XPNPEP2: variants seen among roughly 807,000 people sequenced by gnomAD.
XPNPEP2 encodes the protein X-prolyl aminopeptidase 2, also known as xaa-Pro aminopeptidase 2.
A neutral mutation model predicts 59.8 loss-of-function variants in XPNPEP2; 64 were observed. The ratio of observed to expected loss-of-function variants is 1.07; its 90% CI spans 0.87 to 1.32. The LOEUF (loss-of-function observed/expected upper bound fraction) is 1.32, where lower values mean the gene tolerates loss of function less well. XPNPEP2 is among the 40% of genes most tolerant of loss of function. The probability of loss-of-function intolerance (pLI) is 0.00; values close to 1 mark genes in which losing one functional copy is unlikely to be tolerated. For missense variants in XPNPEP2, 575 were observed against 546.8 expected (o/e 1.05, Z -0.51); for synonymous variants, 235 against 210.0 (o/e 1.12, Z -1.03).
At chrX:129,760,237 C>T (rs189713488) in intron 15 of XPNPEP2, among the ~76,000 whole-genome samples, 1,132 of 112,574 alleles carry the variant, frequency 0.01, 19 homozygotes, top group African/African-American at 0.035. Context: ...CCTCGGTTCA[C>T]CGCCACCAAG....
Position 129,756,663 on chromosome X carries a change from A to G in XPNPEP2, c.1367+108A>G, listed in dbSNP as rs369699227. 6.4e-5 allele frequency: 53 copies of G among 827,418 alleles called. No individual in the cohort carries two copies. The East Asian group carries it at 1.0e-3, about 16-fold the overall frequency. 68.2% of individuals were successfully genotyped at this position (827,418 alleles called of 1,213,427 possible). ...TCCTGGGCCACGGATTCTTCGTCTG[A>G]AAAAGGAGAGATCTGGAATGAGCCC... On this transcript the variant is annotated intron_variant, in intron 14 of 20. Transcript: ENST00000371106.
intron 14 of XPNPEP2, 69 bp downstream of exon 14, chrX:129,756,624 C>T (rs1926523272): frequency 9.4e-7 from 1 of 1,061,361 alleles, no homozygotes; most frequent in Non-Finnish European, 1.3e-6. Context: ...CAAGAGTCAG[C>T]CAAAGCTTTC....
At chrX:129,742,203 C>T (rs753558248) in intron 2 of XPNPEP2, 22 bp downstream of exon 2, 8 of 886,497 alleles carry the variant, frequency 9.0e-6, no homozygotes, top group Admixed American at 3.1e-5. Context: ...CTGCCCCCCG[C>T]GCACGGCCCC....
At chrX:129,742,209 GCCC>G in intron 2 of XPNPEP2, 28 bp downstream of exon 2, 1 of 919,871 alleles carries the variant, frequency 1.1e-6, no homozygotes, top group Non-Finnish European at 1.5e-6. Context: ...CCCGCGCACG[GCCC>G]CCCTGGCCCC....
chrX:129,749,631 CTT>C (rs753667599), intron 7 of XPNPEP2, among the ~76,000 whole-genome samples: 8 of 113,248 alleles, frequency 7.1e-5, no homozygotes, highest in East Asian at 2.8e-4. Flanking sequence ...GGGGTAGACT[CTT>C]TGAATATCTT....
intron 13 of XPNPEP2, 49 bp from the exon 14 acceptor site, chrX:129,756,435 C>T (rs1681055149): frequency 8.5e-7 from 1 of 1,180,968 alleles, no homozygotes; most frequent in South Asian, 1.8e-5. Context: ...TCCCACGTGA[C>T]CCAGTGCAGG....
chrX:129,750,346 G>A (rs1321181569), intron 7 of XPNPEP2, 122 bp from the exon 8 acceptor site: 2 of 505,005 alleles, frequency 4.0e-6, no homozygotes, highest in African/African-American at 2.4e-5. Flanking sequence ...TTTGTTTGAG[G>A]AAAGGGTTTC....
intron 17 of XPNPEP2, 24 bp from the exon 18 acceptor site, chrX:129,761,982 C>T: frequency 8.3e-7 from 1 of 1,208,936 alleles, no homozygotes; most frequent in East Asian, 3.0e-5. Context: ...AGAACTGATA[C>T]CATGTTTATG....
chrX:129,757,055 C>CAT lies in XPNPEP2; in HGVS notation c.1367+508_1367+509dup, dbSNP rs1211392564. Among the ~76,000 whole-genome samples the CAT allele has an allele frequency of 8.8e-5, 8 of 91,122 alleles. No homozygotes were observed. The East Asian group carries it at 1.7e-3, about 19-fold the overall frequency. 79.1% of individuals were successfully genotyped at this position (91,122 alleles called of 115,157 possible). On this transcript the variant is annotated intron_variant, in intron 14 of 20. Transcript: ENST00000371106. ...ACACACACATATATATATACACACA[C>CAT]ATATATATACACACACATACACACA...
Position 129,769,175 on chromosome X carries a change from G to C in XPNPEP2, c.*690G>C, listed in dbSNP as rs1338026695. 8.9e-6 allele frequency: 1 copy of C among 112,584 alleles called. No homozygotes were observed. Among genetic ancestry groups the C allele is most frequent in the Non-Finnish European group, 1.9e-5 (1 of 53,294 alleles). The allele number at this position is 112,584 out of a possible 1,213,427, so 9.3% of individuals were successfully genotyped here. A position where few individuals can be genotyped will look rare whatever the true frequency, so the allele number is the denominator to read the frequency against. On this transcript the variant is annotated 3_prime_UTR_variant, in exon 21 of 21. Transcript: ENST00000371106. The stretch of plus-strand genomic sequence containing the variant: ...TTCCCTGGCATTCGAGGAGCCCTTT[G>C]AACTTTCCAAAGTGCAGCCACAGCT...
intron 14 of XPNPEP2, 52 bp downstream of exon 14, chrX:129,756,607 A>G: frequency 8.7e-7 from 1 of 1,143,003 alleles, no homozygotes; most frequent in Non-Finnish European, 1.2e-6. Flanking sequence ...AGACCTCCTG[A>G]GCCTGCCAAG....
chrX:129,751,579 A>C (rs867210196), intron 8 of XPNPEP2, among the ~76,000 whole-genome samples, 166 bp from the exon 9 acceptor site: 1 of 76,498 alleles, frequency 1.3e-5, no homozygotes, highest in Non-Finnish European at 2.5e-5. Flanking sequence ...AGAAAGAAAG[A>C]AAGAAAGAAA....
chrX:129,748,620 G>A (rs1458898618), intron 7 of XPNPEP2, among the ~76,000 whole-genome samples: 1 of 112,414 alleles, frequency 8.9e-6, no homozygotes, highest in African/African-American at 3.2e-5. Flanking sequence ...CGAAACAAGT[G>A]AAAATTGTGT....
rs1389778474 is a variant in XPNPEP2, at chrX:129,769,292, A to G, written c.*807A>G. The G allele has an allele frequency of 8.9e-6, 1 of 112,263 alleles. No individual in the cohort carries two copies. The highest frequency in any genetic ancestry group is 1.9e-5 in the Non-Finnish European group (1 of 53,234). The allele number at this position is 112,263 out of a possible 1,213,427, so 9.3% of individuals were successfully genotyped here. A position where few individuals can be genotyped will look rare whatever the true frequency, so the allele number is the denominator to read the frequency against. ...CTCCATTTTACAGACAGGAAAACTG[A>G]GCTTCAGACAGGGGGTGGGCTTTGC... On this transcript the variant is annotated 3_prime_UTR_variant, in exon 21 of 21. Coordinates refer to ENST00000371106, the MANE Select transcript of XPNPEP2 (RefSeq NM_003399.6).
intron 8 of XPNPEP2, 30 bp downstream of exon 8, chrX:129,750,599 C>T (rs369388502): frequency 1.9e-5 from 21 of 1,126,331 alleles, no homozygotes; most frequent in African/African-American, 1.4e-4. Flanking sequence ...CATGGGTGGG[C>T]GCCTGGGTCT....
Position 129,755,276 on chromosome X carries a change from T to C in XPNPEP2, c.1218-18T>C. 4 of 1,208,339 alleles carry C rather than the reference T, an allele frequency of 3.3e-6. No individual in the cohort carries two copies. The highest frequency in any genetic ancestry group is 4.5e-6 in the Non-Finnish European group (4 of 892,548). ...CAGGGGCCCATTCATTGACCATGCC[T>C]TGCCTTGTACTTTCCAGAGAAGAAC... On this transcript the variant is annotated intron_variant, in intron 12 of 20. Coordinates refer to ENST00000371106, the MANE Select transcript of XPNPEP2 (RefSeq NM_003399.6).
intron 14 of XPNPEP2, among the ~76,000 whole-genome samples, chrX:129,756,929 T>C (rs1204187620): frequency 9.7e-6 from 1 of 102,655 alleles, no homozygotes; most frequent in African/African-American, 3.6e-5. Flanking sequence ...GCATCCCGGG[T>C]TCAAGTGATT....
intron 7 of XPNPEP2, 51 bp downstream of exon 7, chrX:129,747,804 GGCT>G: frequency 8.3e-7 from 1 of 1,208,560 alleles, no homozygotes. Context: ...CGCAGGTCCC[GGCT>G]GCTATTCCGT....
In XPNPEP2 at chrX:129,768,607, A is replaced by C. The variant is rs1161351128; in HGVS notation, c.*122A>C. The stretch of plus-strand genomic sequence containing the variant: ...TGGCCCATTGCCTAGAAACCTTTGC[A>C]TTCATCCTCCTTCTCCAAGACCTAT... On this transcript the variant is annotated 3_prime_UTR_variant, in exon 21 of 21. Coordinates refer to ENST00000371106, the MANE Select transcript of XPNPEP2 (RefSeq NM_003399.6). The C allele has an allele frequency of 1.6e-6, 1 of 621,936 alleles. No homozygotes were observed. The highest frequency in any genetic ancestry group is 2.2e-6 in the Non-Finnish European group (1 of 449,450). 51.3% of individuals were successfully genotyped at this position (621,936 alleles called of 1,213,427 possible). A position where few individuals can be genotyped will look rare whatever the true frequency, so the allele number is the denominator to read the frequency against.
Sources: gnomAD v4.1 joint callset for allele counts (sites outside exome capture counted in the v4.1 genomes callset) on GRCh38, gnomAD v4.1.1 for gene constraint, MANE v1.5 for transcripts, NCBI Gene and HGNC (gene_info 2026-07-23, HGNC 2026-07-21) for gene names.